ARHGAP39: variants seen among roughly 807,000 people sequenced by gnomAD.
ARHGAP39 encodes rho GTPase-activating protein 39.
ARHGAP39 carries 44 observed loss-of-function variants against 106.9 expected under a neutral mutation model. The observed-to-expected ratio is 0.41, with a 90% confidence interval of 0.32 to 0.53. The LOEUF (loss-of-function observed/expected upper bound fraction) is 0.53. Among genes scored for constraint, ARHGAP39 ranks in the 20% least tolerant of loss-of-function variants. The pLI is 0.21. For missense variants in ARHGAP39, 1,496 were observed against 1,577.3 expected (o/e 0.95, Z 0.87); for synonymous variants, 768 against 693.2 (o/e 1.11, Z -1.69).
chr8:144,544,793 C>T (rs1203336212), intron 6 of ARHGAP39, among the ~76,000 whole-genome samples: 2 of 152,266 alleles, frequency 1.3e-5, no homozygotes, highest in African/African-American at 4.8e-5. Context: ...CTCCTGCCTG[C>T]TCACAGGAGC....
intron 2 of ARHGAP39, among the ~76,000 whole-genome samples, chr8:144,600,517 C>T (rs1483758507): frequency 5.7e-5 from 7 of 123,590 alleles, no homozygotes; most frequent in Non-Finnish European, 9.9e-5. Flanking sequence ...CCTGCGTGTG[C>T]GTGGAGGCGT....
chr8:144,600,508 C>CTGCGTG (rs1819833186), intron 2 of ARHGAP39, among the ~76,000 whole-genome samples: 1 of 121,028 alleles, frequency 8.3e-6, no homozygotes, highest in Non-Finnish European at 1.7e-5. Flanking sequence ...GGGTACCTAC[C>CTGCGTG]TGCGTGTGCG....
intron 3 of ARHGAP39, among the ~76,000 whole-genome samples, chr8:144,572,813 G>A (rs992518430): frequency 2.0e-5 from 3 of 152,150 alleles, no homozygotes; most frequent in Non-Finnish European, 1.5e-5. Flanking sequence ...AGTGGGCAAA[G>A]GATATAAACA....
chr8:144,646,601 C>T lies in ARHGAP39; in HGVS notation c.-82+39085G>A, dbSNP rs1025991923. 6.6e-6 allele frequency among the ~76,000 whole-genome samples: 1 copy of T among 152,186 alleles called. No individual in the cohort carries two copies. Among genetic ancestry groups the T allele is most frequent in the Admixed American group, 6.5e-5 (1 of 15,276 alleles). On this transcript the variant is annotated intron_variant, in intron 1 of 11. Transcript: ENST00000377307. The surrounding 1 kb of genome is among the most constrained non-coding windows in gnomAD (Gnocchi z 5.7). Reference sequence around the variant, plus strand: ...GGAAGCCTCGTCCTTTCTGCACCACCGCACAATGTTAGAGCTCTGCGCCTG... The same window carrying T: ...GGAAGCCTCGTCCTTTCTGCACCACTGCACAATGTTAGAGCTCTGCGCCTG...
At chr8:144,562,891 G>A (rs757030524) in intron 3 of ARHGAP39, among the ~76,000 whole-genome samples, 17 of 152,158 alleles carry the variant, frequency 1.1e-4, no homozygotes, top group South Asian at 4.1e-4. Context: ...GGTTTCCATC[G>A]GACTCCAGTG....
intron 1 of ARHGAP39, among the ~76,000 whole-genome samples, chr8:144,607,115 T>C (rs993208878): frequency 6.7e-6 from 1 of 148,160 alleles, no homozygotes; most frequent in African/African-American, 2.5e-5. Flanking sequence ...CTCCTACCAA[T>C]AAGTAAGGAA....
intron 3 of ARHGAP39, among the ~76,000 whole-genome samples, chr8:144,572,400 G>C (rs1818618409): frequency 6.6e-6 from 1 of 152,110 alleles, no homozygotes; most frequent in Non-Finnish European, 1.5e-5. Flanking sequence ...TTAATAAATG[G>C]TACTGGGAAA....
At chr8:144,678,894 G>A (rs760544560) in intron 1 of ARHGAP39, among the ~76,000 whole-genome samples, 6 of 152,142 alleles carry the variant, frequency 3.9e-5, no homozygotes, top group Non-Finnish European at 8.8e-5. Context: ...GGGCAGGAGA[G>A]CCCCAGGAGG....
At position 144,604,492 on chromosome 8, in the gene ARHGAP39, C is replaced by T. The variant is rs917424577; in HGVS notation, c.80+1043G>A. Among the ~76,000 whole-genome samples the T allele has an allele frequency of 6.6e-6, 1 of 152,192 alleles. No individual in the cohort carries two copies. Among genetic ancestry groups the T allele is most frequent in the Admixed American group, 6.5e-5 (1 of 15,284 alleles). Reference sequence around the variant, plus strand: ...TCTTGGGCTCAAGGGATCTCCTCACCTCAGCCTCCCGAGTAGCTGAGACCA... The same window carrying T: ...TCTTGGGCTCAAGGGATCTCCTCACTTCAGCCTCCCGAGTAGCTGAGACCA... On this transcript the variant is annotated intron_variant, in intron 2 of 11. Coordinates refer to ENST00000377307, the MANE Select transcript of ARHGAP39 (RefSeq NM_025251.3). This position sits in a 1 kb window ranked among gnomAD's most constrained non-coding sequence, Gnocchi z 4.1.
chr8:144,624,363 A>AAAG (rs10634159), intron 1 of ARHGAP39, among the ~76,000 whole-genome samples: 149,855 of 152,328 alleles, frequency 0.98, 73,900 homozygotes, highest in Middle Eastern at 1. Context: ...AATAAAGAGG[A>AAAG]AAGAGGAAGC....
rs751149248 is a variant in ARHGAP39, at chr8:144,545,759, T to C, written c.2011A>G (p.Ser671Gly). Residue 671 changes from serine (S) to glycine (G), a missense_variant, in exon 6 of 12, where the codon AGC becomes GGC. Transcript: ENST00000377307. The part of the protein sequence containing the change: ...AQFESSRQSR[S>G]GVPSSSCVFP... ...ACGCAGCTGGAGCTGGGAACGCCGC[T>C]GCGGCTCTGCCGGCTGCTCTCGAAC... 114 of 1,603,880 alleles carry C rather than the reference T, an allele frequency of 7.1e-5. No homozygotes were observed. Among genetic ancestry groups the C allele is most frequent in the South Asian group, 2.8e-4 (25 of 90,726 alleles).
intron 4 of ARHGAP39, among the ~76,000 whole-genome samples, chr8:144,553,874 G>A (rs1817814155): frequency 1.3e-5 from 2 of 152,340 alleles, no homozygotes; most frequent in South Asian, 2.1e-4. Flanking sequence ...CAGTGGCAAG[G>A]CCTCTTCTCC....
intron 3 of ARHGAP39, among the ~76,000 whole-genome samples, chr8:144,574,366 T>C (rs1818693414): frequency 6.6e-6 from 1 of 151,668 alleles, no homozygotes; most frequent in Admixed American, 6.6e-5. Context: ...ATTAGCCTAT[T>C]TCTATAAAAA....
Position 144,659,561 on chromosome 8 carries a change from T to G in ARHGAP39, c.-82+26125A>C, listed in dbSNP as rs553609124. Among the ~76,000 whole-genome samples the G allele has an allele frequency of 3.3e-5, 5 of 152,328 alleles. No individual in the cohort carries two copies. In the South Asian group the frequency reaches 1.0e-3, roughly 32 times the overall value. On this transcript the variant is annotated intron_variant, in intron 1 of 11. Coordinates refer to ENST00000377307, the MANE Select transcript of ARHGAP39 (RefSeq NM_025251.3). ...CTAAGAGTGGAGAGACAAGTGTTAT[T>G]TCTAAGTCAATGTTCCAAGTTCAAG... is the stretch of plus-strand genomic sequence containing the variant.
rs888779309 is a variant in ARHGAP39, at chr8:144,585,288, T to C, written c.81-4011A>G. Among the ~76,000 whole-genome samples the C allele has an allele frequency of 6.6e-6, 1 of 151,936 alleles. No individual in the cohort carries two copies. The highest frequency in any genetic ancestry group is 1.5e-5 in the Non-Finnish European group (1 of 67,976). ...CACCTGTCTCCCTTCCTTCTCTCCA[T>C]GGACATCCCAAATCACCACAGAGAA... On this transcript the variant is annotated intron_variant, in intron 2 of 11. Transcript: ENST00000377307. The surrounding 1 kb of genome is among the most constrained non-coding windows in gnomAD (Gnocchi z 4.6).
Position 144,577,750 on chromosome 8 carries a change from C to T in ARHGAP39, c.512+3096G>A, listed in dbSNP as rs1818829139. Reference sequence around the variant, plus strand: ...CCACAATGGACAATCCAGAAACAAACAAACAAAAAATTCCACTTACAACAG... The same window carrying T: ...CCACAATGGACAATCCAGAAACAAATAAACAAAAAATTCCACTTACAACAG... On this transcript the variant is annotated intron_variant, in intron 3 of 11. Transcript: ENST00000377307. Among the ~76,000 whole-genome samples the T allele has an allele frequency of 2.6e-5, 4 of 152,146 alleles. No homozygotes were observed. In the South Asian group the frequency reaches 6.2e-4, roughly 24 times the overall value.
At chr8:144,609,508 T>C (rs1820413343) in intron 1 of ARHGAP39, among the ~76,000 whole-genome samples, 1 of 151,530 alleles carries the variant, frequency 6.6e-6, no homozygotes, top group Non-Finnish European at 1.5e-5. Context: ...TTCAAGCGAT[T>C]CTCCTGCCTC....
intron 4 of ARHGAP39, among the ~76,000 whole-genome samples, chr8:144,553,018 G>A (rs976309118): frequency 1.3e-5 from 2 of 152,170 alleles, no homozygotes; most frequent in Non-Finnish European, 2.9e-5. Context: ...GCCCCTGTGG[G>A]GCTGGCATGG....
chr8:144,532,055 C>T (rs1015315602), intron 10 of ARHGAP39, among the ~76,000 whole-genome samples: 2 of 148,754 alleles, frequency 1.3e-5, no homozygotes, highest in Non-Finnish European at 3.0e-5. Context: ...ATAGCAGGCA[C>T]GGCAGAAGGG....
Sources: allele counts gnomAD v4.1 joint callset (sites outside exome capture counted in the v4.1 genomes callset), GRCh38; gene constraint gnomAD v4.1.1; non-coding constraint Gnocchi (gnomAD v3.1); transcripts MANE v1.5; gene names NCBI Gene and HGNC (gene_info 2026-07-23, HGNC 2026-07-21).